Variants in KDM8 observed in about 807,000 individuals in gnomAD.
KDM8 encodes bifunctional peptidase and arginyl-hydroxylase JMJD5.
Under a neutral mutation model 46.9 loss-of-function variants are expected in KDM8, and 35 were observed. That is an observed-to-expected ratio of 0.75 (90% CI 0.57 to 0.99). The LOEUF is 0.99. Ranked by LOEUF, KDM8 falls within the 50% of genes least tolerant of loss-of-function variation. The pLI, the probability that KDM8 is intolerant of heterozygous loss-of-function variation, is 0.00. For synonymous variants in KDM8, 232 were observed against 227.7 expected (o/e 1.02, Z -0.17); for missense variants, 475 against 537.0 (o/e 0.88, Z 1.14).
intron 6 of KDM8, among the ~76,000 whole-genome samples, chr16:27,220,088 G>A (rs1407022316): frequency 2.0e-5 from 3 of 152,106 alleles, no homozygotes; most frequent in African/African-American, 7.2e-5. Flanking sequence ...GGGTGTGGTG[G>A]GGCATACCTG....
intron 6 of KDM8, among the ~76,000 whole-genome samples, chr16:27,219,554 C>T (rs927818692): frequency 6.6e-6 from 1 of 152,198 alleles, no homozygotes; most frequent in South Asian, 2.1e-4. Flanking sequence ...CCTCTGTCTA[C>T]TGCTGTAAGA....
At chr16:27,211,125 T>TC in intron 2 of KDM8, 1 of 324,926 alleles carries the variant, frequency 3.1e-6, no homozygotes, top group East Asian at 9.3e-5. Flanking sequence ...TTCTCTCTTT[T>TC]TTTTTTTTTT....
At chr16:27,215,814 G>A (rs2083544146) in intron 4 of KDM8, 131 bp from the exon 5 acceptor site, 2 of 919,636 alleles carry the variant, frequency 2.2e-6, no homozygotes, top group Non-Finnish European at 3.6e-6. Context: ...GGGTTGGAGA[G>A]GACCACTCAG....
chr16:27,211,713 C>G (rs547593733), intron 2 of KDM8: 2 of 152,368 alleles, frequency 1.3e-5, no homozygotes, highest in East Asian at 1.9e-4. Flanking sequence ...GAGTCTCACT[C>G]TGTCACCCCG....
chr16:27,213,751 G>A lies in KDM8; in HGVS notation c.665G>A (p.Ser222Asn), dbSNP rs746726981. 1.2e-6 allele frequency: 2 copies of A among 1,613,490 alleles called. No individual in the cohort carries two copies. Among genetic ancestry groups the A allele is most frequent in the East Asian group, 4.5e-5 (2 of 44,892 alleles). Residue 222 changes from serine (S) to asparagine (N), a missense_variant and splice_region_variant, in exon 3 of 8, where the codon AGT becomes AAT. Coordinates refer to ENST00000286096, the MANE Select transcript of KDM8 (RefSeq NM_024773.3). ...CACTGGCCGTGCATGCAGAAGTGGA[G>A]GTGGGTGGTCGCTGAGGGAGGTGAG... The part of the protein sequence containing the change: ...ADHWPCMQKW[S>N]LEYIQEIAGC...
Position 27,214,962 on chromosome 16 carries a change from C to A in KDM8, c.752C>A (p.Thr251Asn), listed in dbSNP as rs780426873. 3.1e-6 allele frequency: 5 copies of A among 1,614,162 alleles called. No individual in the cohort carries two copies. The highest frequency in any genetic ancestry group is 4.2e-6 in the Non-Finnish European group (5 of 1,179,996). ...SRYTDEEWSQTLMTVNEFISK... is the reference protein window; with the variant it reads ...SRYTDEEWSQNLMTVNEFISK... ...TACACAGATGAGGAATGGTCCCAGA[C>A]CCTCATGACGGTCAACGAGTTCATC... The change falls in exon 4 of 8, where the codon ACC becomes AAC. Residue 251 changes from threonine to asparagine, a missense_variant. Coordinates refer to ENST00000286096, the MANE Select transcript of KDM8 (RefSeq NM_024773.3).
At position 27,210,296 on chromosome 16, in the gene KDM8, A is replaced by G; in HGVS notation, c.173A>G (p.Glu58Gly). The G allele has an allele frequency of 1.2e-6, 2 of 1,613,280 alleles. No homozygotes were observed. The highest frequency in any genetic ancestry group is 1.7e-6 in the Non-Finnish European group (2 of 1,180,030). ...CAGCGAGCCACTGAGCTCTTCTACGAGGGCAGGAGGGACGAGTGTCTGCAG... is the reference window on the plus strand; with the variant it reads ...CAGCGAGCCACTGAGCTCTTCTACGGGGGCAGGAGGGACGAGTGTCTGCAG... ...LLQRATELFY[E>G]GRRDECLQSS... Residue 58 changes from glutamate (E) to glycine (G), a missense_variant, in exon 2 of 8, where the codon GAG becomes GGG. Coordinates refer to ENST00000286096, the MANE Select transcript of KDM8 (RefSeq NM_024773.3).
chr16:27,210,837 C>CT lies in KDM8; in HGVS notation c.498+218dup, dbSNP rs773179650. ...GAGTGCAGTAGTGTGATCTCGGCTC[C>CT]TTGCAGCCTCCACTTCCTGGACTCA... On this transcript the variant is annotated intron_variant, in intron 2 of 7. Coordinates refer to ENST00000286096, the MANE Select transcript of KDM8 (RefSeq NM_024773.3). 1.3e-4 allele frequency among the ~76,000 whole-genome samples: 20 copies of CT among 151,600 alleles called. No individual in the cohort carries two copies. The South Asian group carries it at 4.2e-3, about 32-fold the overall frequency.
At chr16:27,220,235 G>A in intron 6 of KDM8, 158 bp from the exon 7 acceptor site, 1 of 696,636 alleles carries the variant, frequency 1.4e-6, no homozygotes, top group South Asian at 1.7e-5. Flanking sequence ...AAATAAAAAA[G>A]AAAGAAAAAC....
chr16:27,204,104 G>A (rs1385428405), intron 1 of KDM8: 1 of 1,548,348 alleles, frequency 6.5e-7, no homozygotes, highest in South Asian at 1.2e-5. Flanking sequence ...TGAGCCGCGA[G>A]AAATGCAGCC....
At chr16:27,213,507 C>G in intron 2 of KDM8, 78 bp from the exon 3 acceptor site, 1 of 1,496,094 alleles carries the variant, frequency 6.7e-7, no homozygotes, top group East Asian at 2.3e-5. Flanking sequence ...CTACCCCTGA[C>G]ACAGGTTCCT....
chr16:27,208,630 G>A (rs1188061814), intron 1 of KDM8, among the ~76,000 whole-genome samples: 1 of 151,888 alleles, frequency 6.6e-6, no homozygotes, highest in Non-Finnish European at 1.5e-5. Flanking sequence ...TCTTTTGGAT[G>A]CTCAAGATGA....
rs373172965 is a variant in KDM8 at position 27,218,252 on chromosome 16, G to A, written c.844-709G>A. Among the ~76,000 whole-genome samples, 5 of 151,682 alleles carry A rather than the reference G, an allele frequency of 3.3e-5. No individual in the cohort carries two copies. In the South Asian group the frequency reaches 8.4e-4, roughly 25 times the overall value. ...AGCCATGATGGTACCACTGCACTCC[G>A]GACTGGGTGACAGAACAAGACTGTC... On this transcript the variant is annotated intron_variant, in intron 5 of 7. Coordinates refer to ENST00000286096, the MANE Select transcript of KDM8 (RefSeq NM_024773.3).
rs2083517759 is a variant in KDM8, at chr16:27,213,979, T to A, written c.665+228T>A. On this transcript the variant is annotated intron_variant, in intron 3 of 7. Coordinates refer to ENST00000286096, the MANE Select transcript of KDM8 (RefSeq NM_024773.3). ...TCTACCTTGCTCGCCTTAAGCGGTT[T>A]TTTAATGAGTCCCTAAGTGGCAGTC... The A allele has an allele frequency of 6.2e-6, 3 of 486,636 alleles. No homozygotes were observed. In the South Asian group the frequency reaches 1.0e-4, roughly 16 times the overall value. The allele number at this position is 486,636 out of a possible 1,614,324, so 30.1% of individuals were successfully genotyped here.
chr16:27,218,427 G>A (rs1161945253), intron 5 of KDM8, among the ~76,000 whole-genome samples: 3 of 152,272 alleles, frequency 2.0e-5, no homozygotes, highest in South Asian at 2.1e-4. Context: ...ATCATATAAA[G>A]CTCAGAGCAC....
At position 27,214,875 on chromosome 16, in the gene KDM8, G is replaced by A; in HGVS notation, c.666-1G>A. 1.2e-6 allele frequency: 2 copies of A among 1,614,188 alleles called. No homozygotes were observed. The highest frequency in any genetic ancestry group is 1.7e-6 in the Non-Finnish European group (2 of 1,180,006). Reference sequence around the variant, plus strand: ...GATGCCAATGTGTGTCTTTCTGCTAGTTTGGAGTATATCCAGGAGATCGCT... The same window carrying A: ...GATGCCAATGTGTGTCTTTCTGCTAATTTGGAGTATATCCAGGAGATCGCT... On this transcript the variant is annotated splice_acceptor_variant, in intron 3 of 7. Transcript: ENST00000286096. LOFTEE classifies it high-confidence loss of function.
chr16:27,214,713 C>T (rs1170310462), intron 3 of KDM8, 163 bp from the exon 4 acceptor site: 15 of 716,680 alleles, frequency 2.1e-5, no homozygotes, highest in Non-Finnish European at 3.3e-5. Flanking sequence ...CAGGGAGCCC[C>T]ACCTCTCCAT....
chr16:27,206,644 G>A (rs1025653663), intron 1 of KDM8, among the ~76,000 whole-genome samples: 2 of 152,178 alleles, frequency 1.3e-5, no homozygotes, highest in Non-Finnish European at 2.9e-5. Context: ...AGGCCATAAG[G>A]CTACTCTGGC....
Position 27,214,957 on chromosome 16 carries a change from C to G in KDM8, c.747C>G (p.Ser249=). 2.5e-6 allele frequency: 4 copies of G among 1,614,068 alleles called. No homozygotes were observed. The highest frequency in any genetic ancestry group is 3.4e-6 in the Non-Finnish European group (4 of 1,179,962). Residue 249 remains serine, a synonymous_variant, in exon 4 of 8, where the codon TCC becomes TCG. Coordinates refer to ENST00000286096, the MANE Select transcript of KDM8 (RefSeq NM_024773.3). ...CGAGGTACACAGATGAGGAATGGTC[C>G]CAGACCCTCATGACGGTCAACGAGT... ...VGSRYTDEEW[S]QTLMTVNEFI... is the part of the protein sequence containing the mutation.
Sources: allele counts gnomAD v4.1 joint callset (sites outside exome capture counted in the v4.1 genomes callset), GRCh38; gene constraint gnomAD v4.1.1; transcripts MANE v1.5; gene names NCBI Gene and HGNC (gene_info 2026-07-23, HGNC 2026-07-21).